Variants in NFIA observed in about 807,000 individuals in gnomAD.
The protein encoded by NFIA is nuclear factor 1 A-type.
In NFIA, 8 loss-of-function variants were observed where a neutral mutation model predicts 62.8. The ratio of observed to expected loss-of-function variants is 0.13; its 90% CI spans 0.07 to 0.23. The LOEUF is 0.23. Ranked by LOEUF, NFIA falls within the 10% of genes least tolerant of loss-of-function variation. The pLI is 1.00. For synonymous variants in NFIA, 235 were observed against 238.1 expected, an observed-to-expected ratio of 0.99 and a Z score of 0.12; for missense variants, 410 against 642.1, an observed-to-expected ratio of 0.64 and a Z score of 3.91.
intron 2 of NFIA, among the ~76,000 whole-genome samples, chr1:61,094,616 G>A (rs769488450): frequency 6.6e-6 from 1 of 152,164 alleles, no homozygotes; most frequent in Non-Finnish European, 1.5e-5. Flanking sequence ...GCTTTCTAAG[G>A]TGGCAGTTCA....
intron 3 of NFIA, among the ~76,000 whole-genome samples, chr1:61,293,623 C>T (rs1291908428): frequency 2.6e-5 from 4 of 151,560 alleles, no homozygotes; most frequent in Non-Finnish European, 1.5e-5. Context: ...CTTTGGCATC[C>T]ACCTTTCGAA....
chr1:61,443,239 C>CCCT (rs1252448385), intron 10 of NFIA, among the ~76,000 whole-genome samples: 2 of 152,102 alleles, frequency 1.3e-5, no homozygotes, highest in Non-Finnish European at 2.9e-5. Context: ...GAGAGGAATC[C>CCCT]CCTTCCCCCA....
intron 2 of NFIA, among the ~76,000 whole-genome samples, chr1:61,121,201 T>C (rs1481224310): frequency 6.6e-6 from 1 of 152,222 alleles, no homozygotes; most frequent in African/African-American, 2.4e-5. Flanking sequence ...TCTTTAACTC[T>C]GCTTTTCCCA....
At chr1:61,094,511 A>T (rs1335848765) in intron 2 of NFIA, among the ~76,000 whole-genome samples, 1 of 152,204 alleles carries the variant, frequency 6.6e-6, no homozygotes, top group Non-Finnish European at 1.5e-5. Context: ...TTTTGCAAAA[A>T]TTCTTTTTAG....
At position 61,459,235 on chromosome 1, in the gene NFIA, G is replaced by T. The variant is rs1202698693; in HGVS notation, c.*3915G>T. ...CATCAAATGGCATTAACAAGATTGGGCAAAGATGAGTCCCTCAAATTTCTG... is the reference window on the plus strand; with the variant it reads ...CATCAAATGGCATTAACAAGATTGGTCAAAGATGAGTCCCTCAAATTTCTG... On this transcript the variant is annotated 3_prime_UTR_variant, in exon 11 of 11. Transcript: ENST00000403491. 6.6e-6 allele frequency: 1 copy of T among 152,158 alleles called. No individual in the cohort carries two copies. The allele number at this position is 152,158 out of a possible 1,614,324, so 9.4% of individuals were successfully genotyped here.
chr1:61,154,445 C>T (rs1648647855), intron 2 of NFIA, among the ~76,000 whole-genome samples: 1 of 152,124 alleles, frequency 6.6e-6, no homozygotes, highest in African/African-American at 2.4e-5. Context: ...CATGAGCCAC[C>T]ACACCCGGCC....
intron 2 of NFIA, among the ~76,000 whole-genome samples, chr1:61,142,826 G>A (rs544473106): frequency 2.2e-3 from 331 of 152,284 alleles, no homozygotes; most frequent in Non-Finnish European, 4.0e-3. Flanking sequence ...CATGGAAAGC[G>A]CCTGCCCCTG....
intron 2 of NFIA, among the ~76,000 whole-genome samples, chr1:61,234,385 A>T (rs1335378767): frequency 6.6e-6 from 1 of 151,462 alleles, no homozygotes; most frequent in East Asian, 1.9e-4. Context: ...AAAAAAAAAA[A>T]AAAAGTGGCT....
At chr1:61,252,700 C>T (rs1444005686) in intron 2 of NFIA, among the ~76,000 whole-genome samples, 5 of 152,026 alleles carry the variant, frequency 3.3e-5, no homozygotes, top group Admixed American at 3.3e-4. Flanking sequence ...TATTAACAGA[C>T]ATTATTAAAT....
intron 5 of NFIA, among the ~76,000 whole-genome samples, chr1:61,356,232 T>C (rs1246787434): frequency 1.3e-5 from 2 of 152,220 alleles, no homozygotes; most frequent in Non-Finnish European, 2.9e-5. Flanking sequence ...AAAAAGTATA[T>C]AGTCATTTTC....
intron 2 of NFIA, among the ~76,000 whole-genome samples, chr1:61,112,052 G>A (rs1646701947): frequency 6.6e-6 from 1 of 151,594 alleles, no homozygotes; most frequent in African/African-American, 2.4e-5. Context: ...CATCTCATTT[G>A]CATAAATTGT....
intron 10 of NFIA, among the ~76,000 whole-genome samples, chr1:61,431,528 G>A (rs1401075491): frequency 1.3e-5 from 2 of 152,252 alleles, no homozygotes; most frequent in Non-Finnish European, 2.9e-5. Flanking sequence ...TGGACTATTA[G>A]AAGAATCACT....
At chr1:61,391,205 C>T (rs931993164) in intron 7 of NFIA, among the ~76,000 whole-genome samples, 6 of 151,932 alleles carry the variant, frequency 3.9e-5, no homozygotes, top group Non-Finnish European at 7.4e-5. Context: ...GGACTACAGG[C>T]GCATGCCACT....
chr1:61,358,367 T>TTTTCTTTCTTTC (rs1388549790), intron 5 of NFIA, among the ~76,000 whole-genome samples: 29 of 117,344 alleles, frequency 2.5e-4, no homozygotes, highest in African/African-American at 1.1e-3. Flanking sequence ...TTTTCTTTTC[T>TTTTCTTTCTTTC]TTTCTTTCTT....
At chr1:61,384,197 G>A (rs576109888) in intron 7 of NFIA, among the ~76,000 whole-genome samples, 47 of 152,102 alleles carry the variant, frequency 3.1e-4, no homozygotes, top group Non-Finnish European at 4.1e-4. Context: ...CCTACCAGCT[G>A]GTTTCATAAA....
At chr1:61,316,262 A>G (rs1660361917) in intron 3 of NFIA, among the ~76,000 whole-genome samples, 1 of 152,186 alleles carries the variant, frequency 6.6e-6, no homozygotes, top group African/African-American at 2.4e-5. Context: ...GCTGAGGAAG[A>G]AGGGGCATTT....
chr1:61,402,331 C>G (rs1665608521), intron 7 of NFIA, among the ~76,000 whole-genome samples: 1 of 152,136 alleles, frequency 6.6e-6, no homozygotes, highest in African/African-American at 2.4e-5. Flanking sequence ...AGCCACCGTA[C>G]CAGGCCAGTT....
chr1:61,315,692 T>C (rs573051481), intron 3 of NFIA, among the ~76,000 whole-genome samples: 2 of 152,326 alleles, frequency 1.3e-5, no homozygotes, highest in East Asian at 3.9e-4. Context: ...TTGGAATTCA[T>C]GGTTGGTTGA....
intron 2 of NFIA, among the ~76,000 whole-genome samples, chr1:61,169,223 G>A (rs1346947083): frequency 6.6e-6 from 1 of 152,110 alleles, no homozygotes; most frequent in Non-Finnish European, 1.5e-5. Context: ...CAACATAGAA[G>A]GTCTGAAGCC....
Sources: allele counts gnomAD v4.1 joint callset (sites outside exome capture counted in the v4.1 genomes callset), GRCh38; gene constraint gnomAD v4.1.1; transcripts MANE v1.5; gene names NCBI Gene and HGNC (gene_info 2026-07-23, HGNC 2026-07-21).